HAUS7: variants seen among roughly 807,000 people sequenced by gnomAD.
HAUS7 encodes the protein HAUS augmin-like complex subunit 7.
A neutral mutation model predicts 28.4 loss-of-function variants in HAUS7; 3 were observed. The observed-to-expected ratio is 0.11, with a 90% CI of 0.05 to 0.27. The LOEUF is 0.27. Among genes scored for constraint, HAUS7 ranks in the 10% least tolerant of loss-of-function variants. HAUS7 has a pLI of 1.00. For synonymous variants in HAUS7, 165 were observed against 132.1 expected (o/e 1.25, Z -1.71); for missense variants, 284 against 297.3 (o/e 0.96, Z 0.33).
chrX:153,461,962 G>A, intron 4 of HAUS7: 2 of 442,726 alleles, frequency 4.5e-6, no homozygotes, highest in East Asian at 8.0e-5. Context: ...GACGTCTTAT[G>A]TCTCCCTAAA....
chrX:153,462,244 C>T (rs1556983532), intron 4 of HAUS7: 2 of 732,460 alleles, frequency 2.7e-6, no homozygotes, highest in East Asian at 1.5e-4. Flanking sequence ...TCGGGAGAAA[C>T]TCTCGGGCCA....
intron 5 of HAUS7, chrX:153,456,928 G>A: frequency 2.3e-6 from 1 of 441,055 alleles, no homozygotes; most frequent in Non-Finnish European, 3.9e-6. Context: ...TCACCCCCGG[G>A]GCCTTGGGCA....
intron 4 of HAUS7, among the ~76,000 whole-genome samples, chrX:153,460,164 AG>A (rs1796369756): frequency 8.9e-6 from 1 of 112,334 alleles, no homozygotes; most frequent in Admixed American, 9.4e-5. Flanking sequence ...GTGCTCAGTG[AG>A]GAAGCCAGGC....
At chrX:153,469,918 G>A (rs1047596565) in intron 1 of HAUS7, among the ~76,000 whole-genome samples, 93 of 111,067 alleles carry the variant, frequency 8.4e-4, no homozygotes, top group African/African-American at 3.0e-3. Flanking sequence ...CTGGGGGGAG[G>A]AGCGAGCGGG....
intron 1 of HAUS7, chrX:153,482,290 C>A: frequency 1.3e-6 from 1 of 756,448 alleles, no homozygotes. Context: ...CCAGCAGGCC[C>A]CCAACCCCAG....
At chrX:153,451,683 T>C (rs1408436098) in intron 9 of HAUS7, among the ~76,000 whole-genome samples, 3 of 112,263 alleles carry the variant, frequency 2.7e-5, no homozygotes, top group Non-Finnish European at 5.6e-5. Context: ...CAGTGCATAA[T>C]AGCCGGGGCA....
chrX:153,460,407 G>A (rs963695766), intron 4 of HAUS7, among the ~76,000 whole-genome samples: 1 of 111,962 alleles, frequency 8.9e-6, no homozygotes, highest in Admixed American at 9.5e-5. Flanking sequence ...TGAGGACGAA[G>A]TATCAGTTTG....
chrX:153,455,242 A>G, intron 8 of HAUS7: 1 of 436,089 alleles, frequency 2.3e-6, no homozygotes, highest in South Asian at 3.0e-5. Flanking sequence ...CAACACAGGA[A>G]CAGCACCTGG....
intron 2 of HAUS7, among the ~76,000 whole-genome samples, chrX:153,467,257 A>G (rs1056309896): frequency 3.6e-5 from 4 of 111,972 alleles, no homozygotes; most frequent in Admixed American, 2.8e-4. Flanking sequence ...TCTGCCACTC[A>G]GCGCAGGGCT....
chrX:153,470,514 T>C lies in HAUS7; in HGVS notation c.44A>G (p.Tyr15Cys). The change falls in exon 1 of 10, where the codon TAC becomes TGC. Residue 15 changes from tyrosine (Y) to cysteine (C), a missense_variant. Transcript: ENST00000370211. ...GCTGCTGTCGCCCTCGTCCTCTGAG[T>C]AGTCGTCGCCGCCACGGCCGCAGCC... Reference protein sequence around the residue: ...DAGCGRGGDDYSEDEGDSSVS... With the variant: ...DAGCGRGGDDCSEDEGDSSVS... 3 of 1,202,203 alleles carry C rather than the reference T, an allele frequency of 2.5e-6. No homozygotes were observed. Among genetic ancestry groups the C allele is most frequent in the East Asian group, 6.0e-5 (2 of 33,412 alleles).
chrX:153,482,237 C>A, intron 1 of HAUS7: 3 of 690,405 alleles, frequency 4.3e-6, no homozygotes, highest in Non-Finnish European at 5.2e-6. Context: ...TGCCCTTGGT[C>A]AGGATGGGCC....
rs1221689965 is a variant in HAUS7, at chrX:153,465,121, C to T, written c.225-66G>A. ...AGAGAATCCCCCTGGGCCCTCTATA[C>T]GCGCTGGAAGAAGTGAATTCCTGTG... On this transcript the variant is annotated intron_variant, in intron 2 of 9. Transcript: ENST00000370211. The T allele has an allele frequency of 2.5e-5, 19 of 746,143 alleles. 1 individual carries two copies. Among genetic ancestry groups the T allele is most frequent in the South Asian group, 9.0e-5 (4 of 44,582 alleles). The allele number at this position is 746,143 out of a possible 1,213,427, so 61.5% of individuals were successfully genotyped here.
chrX:153,448,558 A>G (rs1283477547), intron 9 of HAUS7, among the ~76,000 whole-genome samples: 1 of 110,368 alleles, frequency 9.1e-6, no homozygotes, highest in Admixed American at 9.6e-5. Context: ...ATATATATAT[A>G]TAAAATAAAT....
At position 153,454,511 on chromosome X, in the gene HAUS7, GGGGAGGGAGGGAGGGA is replaced by G. The variant is rs371637396; in HGVS notation, c.931-19_931-4del. 1.8e-4 allele frequency: 102 copies of G among 569,133 alleles called. 2 individuals are homozygous for G. The highest frequency in any genetic ancestry group is 4.4e-4 in the African/African-American group (15 of 34,085). The allele number at this position is 569,133 out of a possible 1,213,427, so 46.9% of individuals were successfully genotyped here. Reference sequence around the variant, plus strand: ...ACTGCCATGACCACTTGCAGCAGCTGGGGAGGGAGGGAGGGAGGGAGGGAGGGAGGGAGGGAGCGAG... The same window carrying G: ...ACTGCCATGACCACTTGCAGCAGCTGGGGAGGGAGGGAGGGAGGGAGCGAG... On this transcript the variant is annotated splice_region_variant and splice_polypyrimidine_tract_variant and intron_variant, in intron 8 of 9. Transcript: ENST00000370211.
intron 2 of HAUS7, among the ~76,000 whole-genome samples, chrX:153,465,312 C>CAAAAAA (rs72146941): frequency 3.5e-5 from 2 of 57,178 alleles, no homozygotes; most frequent in Non-Finnish European, 6.4e-5. Flanking sequence ...TTCTCAAGAC[C>CAAAAAA]AAAAAAAAAA....
In HAUS7 at chrX:153,447,768, G is replaced by C; in HGVS notation, c.*110C>G. 1 of 661,037 alleles carries C rather than the reference G, an allele frequency of 1.5e-6. No homozygotes were observed. Among genetic ancestry groups the C allele is most frequent in the Non-Finnish European group, 2.6e-6 (1 of 391,108 alleles). 54.5% of individuals were successfully genotyped at this position (661,037 alleles called of 1,213,427 possible). A position where few individuals can be genotyped will look rare whatever the true frequency, so the allele number is the denominator to read the frequency against. ...CCTGCCTAGAGCACAACGTGGGGCT[G>C]CAACGGCTTCTGCTGCCACAATCAT... On this transcript the variant is annotated 3_prime_UTR_variant, in exon 10 of 10. Coordinates refer to ENST00000370211, the MANE Select transcript of HAUS7 (RefSeq NM_001385482.1).
chrX:153,475,749 G>T (rs1288990118), intron 1 of HAUS7, among the ~76,000 whole-genome samples: 2 of 112,463 alleles, frequency 1.8e-5, no homozygotes, highest in Non-Finnish European at 3.8e-5. Context: ...TTCTCTGGGG[G>T]TCACCCCAAG....
chrX:153,486,076 C>A lies in HAUS7; in HGVS notation c.-589+9298G>T, dbSNP rs2089635678. The A allele has an allele frequency of 3.1e-6, 3 of 953,992 alleles. No homozygotes were observed. The South Asian group carries it at 6.4e-5, about 20-fold the overall frequency. The allele number at this position is 953,992 out of a possible 1,213,427, so 78.6% of individuals were successfully genotyped here. Reference sequence around the variant, plus strand: ...GCCTCAAGGGACTGCAGGTGCTGGGCCTGAGCCACAACAGGATCAGGTAGG... The same window carrying A: ...GCCTCAAGGGACTGCAGGTGCTGGGACTGAGCCACAACAGGATCAGGTAGG... On this transcript the variant is annotated intron_variant, in intron 1 of 5. Transcript: ENST00000370210.
At chrX:153,465,889 CA>C (rs1243706108) in intron 2 of HAUS7, among the ~76,000 whole-genome samples, 4 of 112,474 alleles carry the variant, frequency 3.6e-5, no homozygotes, top group Non-Finnish European at 7.5e-5. Flanking sequence ...GCTGGGGCCA[CA>C]GGCTCTTACC....
Sources: gnomAD v4.1 joint callset for allele counts (sites outside exome capture counted in the v4.1 genomes callset) on GRCh38, gnomAD v4.1.1 for gene constraint, MANE v1.5 for transcripts, NCBI Gene and HGNC (gene_info 2026-07-23, HGNC 2026-07-21) for gene names.